LARGE1: variants seen among roughly 807,000 people sequenced by gnomAD.
LARGE1 encodes the protein LARGE xylosyl- and glucuronyltransferase 1, also known as xylosyl- and glucuronyltransferase LARGE1.
Under a neutral mutation model 87.6 loss-of-function variants are expected in LARGE1, and 43 were observed. The observed-to-expected ratio is 0.49, with a 90% CI of 0.38 to 0.63. The LOEUF (loss-of-function observed/expected upper bound fraction) is 0.63, where lower values mean the gene tolerates loss of function less well. Among genes scored for constraint, LARGE1 ranks in the 30% least tolerant of loss-of-function variants. LARGE1 has a pLI of 0.00. For missense variants in LARGE1, 802 were observed against 1,000.2 expected (o/e 0.80, Z 2.67); for synonymous variants, 434 against 394.6 (o/e 1.10, Z -1.18).
intron 2 of LARGE1, among the ~76,000 whole-genome samples, chr22:33,669,202 T>A (rs1419860976): frequency 2.0e-5 from 3 of 152,246 alleles, no homozygotes; most frequent in African/African-American, 7.2e-5. Context: ...GGAACATAGC[T>A]TTCCATCTAT....
chr22:33,400,872 T>G (rs995948412), intron 7 of LARGE1, among the ~76,000 whole-genome samples: 1 of 152,220 alleles, frequency 6.6e-6, no homozygotes, highest in Admixed American at 6.5e-5. Context: ...TCCTCATTTA[T>G]GAGGTGAGAA....
At chr22:33,630,373 T>A (rs1365265249) in intron 3 of LARGE1, among the ~76,000 whole-genome samples, 1 of 152,222 alleles carries the variant, frequency 6.6e-6, no homozygotes, top group African/African-American at 2.4e-5. Context: ...GAGTAGCCTA[T>A]CATCGTTAGG....
At chr22:33,427,227 C>T (rs2147656052) in intron 7 of LARGE1, among the ~76,000 whole-genome samples, 1 of 152,264 alleles carries the variant, frequency 6.6e-6, no homozygotes, top group African/African-American at 2.4e-5. Flanking sequence ...TGGAAACTGA[C>T]CCGTTTCTGT....
chr22:33,915,769 T>C (rs1032189548), intron 1 of LARGE1, among the ~76,000 whole-genome samples: 36 of 152,172 alleles, frequency 2.4e-4, no homozygotes, highest in Admixed American at 2.0e-3. Context: ...CATGGAATCT[T>C]ATTAAATTAT....
At chr22:33,845,534 C>G (rs1374029582) in intron 1 of LARGE1, among the ~76,000 whole-genome samples, 2 of 151,988 alleles carry the variant, frequency 1.3e-5, no homozygotes, top group Non-Finnish European at 2.9e-5. Flanking sequence ...TCTCGAACTC[C>G]TGACCTCAGA....
intron 1 of LARGE1, among the ~76,000 whole-genome samples, chr22:33,766,903 T>G (rs2145779082): frequency 9.9e-6 from 1 of 101,000 alleles, no homozygotes; most frequent in Non-Finnish European, 2.1e-5. Context: ...ATGACTAATT[T>G]AAACATATAC....
At chr22:33,378,765 T>G (rs1217921666) in intron 9 of LARGE1, among the ~76,000 whole-genome samples, 11 of 152,184 alleles carry the variant, frequency 7.2e-5, no homozygotes, top group Admixed American at 6.5e-4. Flanking sequence ...TATGGGTTAG[T>G]GGCTTAGTCC....
At chr22:33,290,474 A>G (rs1490750602) in intron 12 of LARGE1, among the ~76,000 whole-genome samples, 1 of 152,212 alleles carries the variant, frequency 6.6e-6, no homozygotes, top group Non-Finnish European at 1.5e-5. Flanking sequence ...GAACGAGAAG[A>G]GGAGCCAGCA....
At chr22:33,288,510 G>A (rs1569016572) in intron 12 of LARGE1, among the ~76,000 whole-genome samples, 1 of 152,126 alleles carries the variant, frequency 6.6e-6, no homozygotes, top group African/African-American at 2.4e-5. Flanking sequence ...ACTATCTATA[G>A]GATATACTAT....
chr22:33,815,060 G>C (rs2086609668), intron 1 of LARGE1, among the ~76,000 whole-genome samples: 1 of 152,182 alleles, frequency 6.6e-6, no homozygotes, highest in African/African-American at 2.4e-5. Context: ...AATAAGAATA[G>C]CCCAGTAAAG....
chr22:33,343,203 A>T lies in LARGE1; in HGVS notation c.1132-5402T>A, dbSNP rs558643677. Among the ~76,000 whole-genome samples the T allele has an allele frequency of 2.0e-5, 3 of 152,228 alleles. No individual in the cohort carries two copies. The East Asian group carries it at 5.8e-4, about 29-fold the overall frequency. ...GAGTACAGTGGTGCAATCTGGGCTCACTGCAGCCTCAATCTCCCAGACTCA... is the reference window on the plus strand; with the variant it reads ...GAGTACAGTGGTGCAATCTGGGCTCTCTGCAGCCTCAATCTCCCAGACTCA... On this transcript the variant is annotated intron_variant, in intron 9 of 14. Transcript: ENST00000397394.
chr22:33,852,963 G>GC (rs2063653559), intron 1 of LARGE1, among the ~76,000 whole-genome samples: 1 of 151,720 alleles, frequency 6.6e-6, no homozygotes, highest in Non-Finnish European at 1.5e-5. Context: ...GGAATGCCAG[G>GC]CGAGGGTCAC....
intron 12 of LARGE1, among the ~76,000 whole-genome samples, chr22:33,303,208 T>C (rs557801321): frequency 6.6e-6 from 1 of 152,328 alleles, no homozygotes; most frequent in Non-Finnish European, 1.5e-5. Flanking sequence ...TTTCTCCAGC[T>C]GCTGACACCC....
intron 9 of LARGE1, among the ~76,000 whole-genome samples, chr22:33,376,384 A>G: frequency 6.6e-6 from 1 of 152,184 alleles, no homozygotes; most frequent in South Asian, 2.1e-4. Context: ...CACAAATGGG[A>G]ATTTCTCTGT....
intron 5 of LARGE1, among the ~76,000 whole-genome samples, chr22:33,566,418 T>C (rs1417725378): frequency 6.6e-6 from 1 of 152,164 alleles, no homozygotes; most frequent in Non-Finnish European, 1.5e-5. Context: ...CACCCAAATC[T>C]ATGCAAAGGA....
chr22:33,468,221 A>G (rs1375180188), intron 6 of LARGE1, among the ~76,000 whole-genome samples: 1 of 151,780 alleles, frequency 6.6e-6, no homozygotes, highest in African/African-American at 2.4e-5. Context: ...TGCACAATTC[A>G]CCCCTCTCAA....
chr22:33,146,352 G>T, the LARGE1 span, among the ~76,000 whole-genome samples: 2 of 152,078 alleles, frequency 1.3e-5, no homozygotes, highest in Non-Finnish European at 2.9e-5. Context: ...TTCTATTCTA[G>T]CTAATTTGTT....
At chr22:33,660,819 G>C in intron 2 of LARGE1, among the ~76,000 whole-genome samples, 1 of 152,072 alleles carries the variant, frequency 6.6e-6, no homozygotes, top group Non-Finnish European at 1.5e-5. Context: ...TTTCTCTTTA[G>C]CAGCACTCAA....
intron 11 of LARGE1, among the ~76,000 whole-genome samples, chr22:33,236,226 T>G (rs967497717): frequency 5.3e-5 from 8 of 152,156 alleles, no homozygotes; most frequent in Non-Finnish European, 1.2e-4. Context: ...GCCTCCCAGT[T>G]TGCATGACAG....
Sources: allele counts gnomAD v4.1 joint callset (sites outside exome capture counted in the v4.1 genomes callset), GRCh38; gene constraint gnomAD v4.1.1; transcripts MANE v1.5; gene names NCBI Gene and HGNC (gene_info 2026-07-23, HGNC 2026-07-21).